Variants in LMLN observed in about 807,000 individuals in gnomAD.
LMLN encodes leishmanolysin like peptidase.
A neutral mutation model predicts 92.3 loss-of-function variants in LMLN; 70 were observed. The ratio of observed to expected loss-of-function variants is 0.76; its 90% CI spans 0.63 to 0.92. The LOEUF (loss-of-function observed/expected upper bound fraction) is 0.92, where lower values mean the gene tolerates loss of function less well. Ranked by LOEUF, LMLN falls within the 40% of genes least tolerant of loss-of-function variation. The pLI is 0.00. For synonymous variants in LMLN, 308 were observed against 296.2 expected (o/e 1.04, Z -0.41); for missense variants, 691 against 814.6 (o/e 0.85, Z 1.85).
At chr3:198,017,103 C>T (rs974266481) in intron 11 of LMLN, among the ~76,000 whole-genome samples, 8 of 151,418 alleles carry the variant, frequency 5.3e-5, no homozygotes, top group South Asian at 4.2e-4. Flanking sequence ...GCCTGGGCAA[C>T]GAAACCCTGT....
At chr3:198,013,445 C>T (rs1260318968) in intron 11 of LMLN, among the ~76,000 whole-genome samples, 1 of 133,760 alleles carries the variant, frequency 7.5e-6, no homozygotes, top group Admixed American at 7.1e-5. Flanking sequence ...AGCCCCCTAA[C>T]TAGTCTGACT....
chr3:198,038,822 C>T, exon 16 of LMLN: 1 of 628,214 alleles, frequency 1.6e-6, no homozygotes. Context: ...TGAAGCAGAA[C>T]TTCACAGCAG....
rs1190550757 is a variant in LMLN at position 198,018,940 on chromosome 3, A to G, written c.1233-313A>G. Among the ~76,000 whole-genome samples, 3 of 152,248 alleles carry G rather than the reference A, an allele frequency of 2.0e-5. No homozygotes were observed. The East Asian group carries it at 5.8e-4, about 29-fold the overall frequency. The stretch of plus-strand genomic sequence containing the variant: ...TTTCAAATTATACTTTCAAGATTAC[A>G]TTTAATGGAACAGAACAAGTTGATA... On this transcript the variant is annotated intron_variant, in intron 11 of 15. Coordinates refer to ENST00000330198, the Ensembl canonical transcript of LMLN.
intron 6 of LMLN, among the ~76,000 whole-genome samples, chr3:197,983,491 G>A (rs1343625042): frequency 6.6e-6 from 1 of 152,140 alleles, no homozygotes; most frequent in Non-Finnish European, 1.5e-5. Context: ...GCAGGAGAAA[G>A]GGAATAGCAA....
chr3:198,035,465 C>G (rs1306293295), intron 14 of LMLN, among the ~76,000 whole-genome samples: 1 of 145,870 alleles, frequency 6.9e-6, no homozygotes, highest in African/African-American at 2.6e-5. Flanking sequence ...CAGGATCAAG[C>G]GATTCTCCTG....
At chr3:197,981,811 T>C (rs890946105) in intron 6 of LMLN, among the ~76,000 whole-genome samples, 1 of 151,904 alleles carries the variant, frequency 6.6e-6, no homozygotes, top group Non-Finnish European at 1.5e-5. Context: ...CTAGTCTTTT[T>C]TTTTTTTTTT....
At chr3:197,978,286 GA>G (rs1261564296) in intron 5 of LMLN, among the ~76,000 whole-genome samples, 7 of 152,192 alleles carry the variant, frequency 4.6e-5, no homozygotes, top group Admixed American at 4.6e-4. Context: ...AAGTTATGGA[GA>G]TTTTTGTGAT....
chr3:198,008,263 A>G (rs1301428534), intron 11 of LMLN, among the ~76,000 whole-genome samples: 1 of 152,182 alleles, frequency 6.6e-6, no homozygotes. Flanking sequence ...TATGTCAGTT[A>G]AACTTGATCT....
chr3:197,985,735 G>A (rs907700722), intron 7 of LMLN, 61 bp from the exon 8 acceptor site: 18 of 1,116,202 alleles, frequency 1.6e-5, no homozygotes, highest in East Asian at 1.2e-4. Flanking sequence ...TCTTTTGATC[G>A]CAGGCCTGTA....
At chr3:198,021,737 T>C (rs947223487) in intron 13 of LMLN, 132 bp downstream of exon 14, 11 of 692,282 alleles carry the variant, frequency 1.6e-5, no homozygotes, top group South Asian at 9.1e-5. Flanking sequence ...CTGCTATCCA[T>C]ATGTAAGAAG....
intron 11 of LMLN, among the ~76,000 whole-genome samples, chr3:198,000,787 C>T (rs1423440258): frequency 1.3e-5 from 2 of 152,142 alleles, no homozygotes; most frequent in Non-Finnish European, 2.9e-5. Flanking sequence ...CTTAGTACAG[C>T]GCTTGGCACA....
intron 11 of LMLN, among the ~76,000 whole-genome samples, chr3:198,005,440 C>T (rs1395951514): frequency 1.3e-5 from 2 of 152,006 alleles, no homozygotes; most frequent in South Asian, 2.1e-4. Context: ...ATAGTATTTG[C>T]ATATAACCTA....
intron 12 of LMLN, among the ~76,000 whole-genome samples, chr3:198,021,056 G>A (rs565576724): frequency 1.1e-3 from 160 of 151,952 alleles, no homozygotes; most frequent in Non-Finnish European, 1.7e-3. Context: ...TCAAAACAAC[G>A]TATAAACTGC....
chr3:197,994,818 A>G (rs749387480), intron 9 of LMLN: 1 of 152,234 alleles, frequency 6.6e-6, no homozygotes, highest in African/African-American at 2.4e-5. Flanking sequence ...AAAACTAAAA[A>G]TAGAATTACC....
At chr3:198,012,056 G>T (rs1409459231) in intron 11 of LMLN, among the ~76,000 whole-genome samples, 1 of 152,126 alleles carries the variant, frequency 6.6e-6, no homozygotes, top group African/African-American at 2.4e-5. Context: ...CCATCAAAAA[G>T]TGTTTTTTTT....
At chr3:198,005,250 A>G (rs61456275) in intron 11 of LMLN, among the ~76,000 whole-genome samples, 163 of 137,924 alleles carry the variant, frequency 1.2e-3, no homozygotes, top group African/African-American at 4.0e-3. Flanking sequence ...TCTATATATC[A>G]TCTATACAGA....
chr3:198,024,613 G>T, intron 13 of LMLN, 45 bp from the exon 15 acceptor site: 1 of 1,496,902 alleles, frequency 6.7e-7, no homozygotes, highest in Non-Finnish European at 8.9e-7. Context: ...CTTGTTCTTT[G>T]AGCCAAAAGT....
At chr3:197,971,066 T>TGTTTATTTATTTA (rs1721210268) in intron 1 of LMLN, among the ~76,000 whole-genome samples, 2 of 152,230 alleles carry the variant, frequency 1.3e-5, no homozygotes, top group South Asian at 4.1e-4. Flanking sequence ...ATTTTAGCCC[T>TGTTTATTTATTTA]TTCCTGTTTA....
intron 12 of LMLN, among the ~76,000 whole-genome samples, 183 bp from the exon 14 acceptor site, chr3:198,021,263 A>G (rs1722774938): frequency 6.6e-6 from 1 of 152,106 alleles, no homozygotes; most frequent in Non-Finnish European, 1.5e-5. Flanking sequence ...AACTGTAGCA[A>G]CCTTTAACTA....
Sources: allele counts gnomAD v4.1 joint callset (sites outside exome capture counted in the v4.1 genomes callset), GRCh38; gene constraint gnomAD v4.1.1; transcripts MANE v1.5; gene names NCBI Gene and HGNC (gene_info 2026-07-23, HGNC 2026-07-21).